Variants in ACYP2 observed in about 807,000 individuals in gnomAD.
The protein encoded by ACYP2 is acylphosphatase-2.
Under a neutral mutation model 11.2 loss-of-function variants are expected in ACYP2, and 12 were observed. That is an observed-to-expected ratio of 1.08 (90% CI 0.69 to 1.74). ACYP2 has a LOEUF of 1.74. ACYP2 is among the 40% of genes most tolerant of loss of function. The pLI, the probability that ACYP2 is intolerant of heterozygous loss-of-function variation, is 0.00. For missense variants in ACYP2, 134 were observed against 101.9 expected (o/e 1.31, Z -1.35); for synonymous variants, 43 against 32.2 (o/e 1.33, Z -1.13).
At chr2:54,138,211 C>T (rs1681375336) in intron 5 of ACYP2, among the ~76,000 whole-genome samples, 1 of 152,128 alleles carries the variant, frequency 6.6e-6, no homozygotes, top group Non-Finnish European at 1.5e-5. Context: ...CTTATCAATA[C>T]TCTATGTTGA....
intron 2 of ACYP2, among the ~76,000 whole-genome samples, chr2:53,995,590 G>A (rs931785676): frequency 5.3e-5 from 8 of 150,798 alleles, no homozygotes; most frequent in African/African-American, 1.5e-4. Flanking sequence ...TGCAACCTCC[G>A]CCTCCTGGGT....
chr2:54,205,349 T>C (rs754150247), intron 6 of ACYP2, among the ~76,000 whole-genome samples: 4 of 152,224 alleles, frequency 2.6e-5, no homozygotes, highest in Non-Finnish European at 5.9e-5. Context: ...GAGAAGCAGA[T>C]AGACCATCTG....
chr2:53,977,922 C>T (rs1671573558), intron 2 of ACYP2, among the ~76,000 whole-genome samples: 1 of 151,938 alleles, frequency 6.6e-6, no homozygotes, highest in South Asian at 2.1e-4. Context: ...TTAATACAAC[C>T]ATTCCTGGCT....
chr2:54,240,125 G>A (rs934099625), intron 6 of ACYP2, among the ~76,000 whole-genome samples: 4 of 152,274 alleles, frequency 2.6e-5, no homozygotes, highest in Non-Finnish European at 5.9e-5. Context: ...AGATGTTTGA[G>A]AAAGATCTGG....
At chr2:54,298,632 C>G (rs1689610657) in intron 6 of ACYP2, among the ~76,000 whole-genome samples, 1 of 152,228 alleles carries the variant, frequency 6.6e-6, no homozygotes, top group Admixed American at 6.5e-5. Flanking sequence ...GCTCAGGCTA[C>G]TGGAAGTGGG....
chr2:54,099,497 G>A (rs1348574241), intron 4 of ACYP2, among the ~76,000 whole-genome samples: 1 of 152,064 alleles, frequency 6.6e-6, no homozygotes, highest in African/African-American at 2.4e-5. Context: ...TGAGATCAGT[G>A]TTTTTAGATT....
intron 4 of ACYP2, among the ~76,000 whole-genome samples, chr2:54,088,902 A>G (rs1678083242): frequency 6.6e-6 from 1 of 152,220 alleles, no homozygotes; most frequent in East Asian, 1.9e-4. Flanking sequence ...AAAACATTCT[A>G]TTCTATCTGT....
intron 6 of ACYP2, among the ~76,000 whole-genome samples, chr2:54,174,150 C>T (rs1399016068): frequency 2.0e-5 from 3 of 152,206 alleles, no homozygotes; most frequent in Non-Finnish European, 4.4e-5. Context: ...AATATTGATT[C>T]TTCCTATCCA....
intron 4 of ACYP2, among the ~76,000 whole-genome samples, chr2:54,092,247 G>T (rs1014540090): frequency 6.6e-6 from 1 of 152,174 alleles, no homozygotes; most frequent in African/African-American, 2.4e-5. Flanking sequence ...ATTTACAAGT[G>T]GGTTATGAAA....
chr2:53,978,029 A>T (rs1671579157), intron 2 of ACYP2, among the ~76,000 whole-genome samples: 1 of 152,136 alleles, frequency 6.6e-6, no homozygotes, highest in Admixed American at 6.6e-5. Flanking sequence ...TGGGAGGCTG[A>T]GGCAGGTGGA....
intron 6 of ACYP2, among the ~76,000 whole-genome samples, chr2:54,257,194 C>T (rs551770924): frequency 6.6e-6 from 1 of 152,060 alleles, no homozygotes; most frequent in South Asian, 2.1e-4. Flanking sequence ...GGCAACACAG[C>T]AAGACCCCAT....
At chr2:54,031,044 G>A (rs1000646512) in intron 2 of ACYP2, among the ~76,000 whole-genome samples, 1 of 152,178 alleles carries the variant, frequency 6.6e-6, no homozygotes, top group Non-Finnish European at 1.5e-5. Flanking sequence ...GACACAATGT[G>A]ACATGTGCTA....
chr2:53,988,827 C>A (rs929030273), intron 2 of ACYP2, among the ~76,000 whole-genome samples: 1 of 152,066 alleles, frequency 6.6e-6, no homozygotes, highest in Non-Finnish European at 1.5e-5. Flanking sequence ...GTCACTGCAA[C>A]CTCTGCCTCC....
At chr2:53,972,958 G>A (rs927676926) in intron 1 of ACYP2, among the ~76,000 whole-genome samples, 4 of 152,060 alleles carry the variant, frequency 2.6e-5, no homozygotes, top group African/African-American at 7.2e-5. Context: ...CGACAGGAGG[G>A]AAGGAAATAT....
chr2:54,124,814 C>G (rs191469777), intron 4 of ACYP2, among the ~76,000 whole-genome samples: 25 of 152,326 alleles, frequency 1.6e-4, no homozygotes, highest in Admixed American at 1.1e-3. Context: ...GATCCTCCCC[C>G]ACTCTATCCT....
chr2:54,291,153 G>T (rs550660841), intron 6 of ACYP2, among the ~76,000 whole-genome samples: 1 of 152,314 alleles, frequency 6.6e-6, no homozygotes, highest in Admixed American at 6.5e-5. Flanking sequence ...CTTGGGTCCT[G>T]ACAGCATTTG....
At chr2:54,052,922 A>G (rs62140990) in intron 3 of ACYP2, among the ~76,000 whole-genome samples, 2 of 152,082 alleles carry the variant, frequency 1.3e-5, no homozygotes, top group African/African-American at 2.4e-5. Context: ...CCAGTTATCA[A>G]TTTATTGCCT....
At chr2:54,254,132 G>A (rs903193273) in intron 6 of ACYP2, 1 of 152,224 alleles carries the variant, frequency 6.6e-6, no homozygotes, top group East Asian at 1.9e-4. Context: ...ACCTTGCCAT[G>A]AGGATAGGGT....
chr2:54,078,457 AT>A (rs1454008976), intron 4 of ACYP2, among the ~76,000 whole-genome samples: 3 of 150,022 alleles, frequency 2.0e-5, no homozygotes, highest in Non-Finnish European at 4.4e-5. Context: ...TCCTGTCGCT[AT>A]TATTATTATC....
Sources: allele counts gnomAD v4.1 joint callset (sites outside exome capture counted in the v4.1 genomes callset), GRCh38; gene constraint gnomAD v4.1.1; transcripts MANE v1.5; gene names NCBI Gene and HGNC (gene_info 2026-07-23, HGNC 2026-07-21).